Variants in ZNF541 observed in about 807,000 individuals in gnomAD.
ZNF541 encodes zinc finger protein 541.
ZNF541 carries 23 observed loss-of-function variants against 123.5 expected under a neutral mutation model. That is an observed-to-expected ratio of 0.19 (90% CI 0.13 to 0.26). The LOEUF is 0.26. Among genes scored for constraint, ZNF541 ranks in the 10% least tolerant of loss-of-function variants. ZNF541 has a pLI of 1.00. For missense variants in ZNF541, 1,612 were observed against 1,789.9 expected (o/e 0.90, Z 1.79); for synonymous variants, 751 against 754.5 (o/e 1.00, Z 0.08).
At chr19:47,549,673 C>T (rs540465241) in intron 3 of ZNF541, among the ~76,000 whole-genome samples, 188 bp from the exon 4 acceptor site, 9 of 152,264 alleles carry the variant, frequency 5.9e-5, no homozygotes, top group African/African-American at 2.2e-4. Flanking sequence ...GGATGGCACC[C>T]GGACTTGGTG....
intron 9 of ZNF541, among the ~76,000 whole-genome samples, chr19:47,537,547 G>C (rs894633563): frequency 7.2e-6 from 1 of 138,554 alleles, no homozygotes; most frequent in Admixed American, 7.6e-5. Context: ...CTGGGTGATA[G>C]AGTGATACTC....
At chr19:47,529,477 A>T in intron 13 of ZNF541, 100 bp downstream of exon 13, 1 of 1,249,730 alleles carries the variant, frequency 8.0e-7, no homozygotes, top group Non-Finnish European at 1.1e-6. Flanking sequence ...AAAGGTCCCG[A>T]GGAGAACTCC....
chr19:47,534,435 G>A (rs998515832), intron 9 of ZNF541, among the ~76,000 whole-genome samples: 1 of 152,148 alleles, frequency 6.6e-6, no homozygotes, highest in African/African-American at 2.4e-5. Flanking sequence ...CGGATCACCT[G>A]AAGTCAGGAG....
Position 47,521,664 on chromosome 19 carries a change from G to T in ZNF541, c.3712-10C>A. On this transcript the variant is annotated splice_polypyrimidine_tract_variant and intron_variant, in intron 15 of 16. Coordinates refer to ENST00000391901, the MANE Select transcript of ZNF541 (RefSeq NM_001277075.3). The surrounding 1 kb of genome is among the most constrained non-coding windows in gnomAD (Gnocchi z 4.2). ...GAGGGCTGCATGGGACCTGCAGAGG[G>T]AGCAAAAGTGACATAAGGGTGCTGA... 6.4e-7 allele frequency: 1 copy of T among 1,551,264 alleles called. No homozygotes were observed. The highest frequency in any genetic ancestry group is 1.2e-5 in the South Asian group (1 of 84,014).
intron 2 of ZNF541, among the ~76,000 whole-genome samples, chr19:47,562,330 G>C (rs990094136): frequency 2.6e-5 from 4 of 151,970 alleles, no homozygotes; most frequent in Admixed American, 2.6e-4. Flanking sequence ...GATCACTTGA[G>C]GTCAGGAGTT....
At chr19:47,536,125 T>C (rs1173635935) in intron 9 of ZNF541, among the ~76,000 whole-genome samples, 1 of 152,252 alleles carries the variant, frequency 6.6e-6, no homozygotes, top group African/African-American at 2.4e-5. Context: ...TGCTATTGTT[T>C]GTGGTTTAAG....
intron 2 of ZNF541, among the ~76,000 whole-genome samples, chr19:47,568,831 T>G (rs1361407830): frequency 6.6e-6 from 1 of 151,894 alleles, no homozygotes; most frequent in Non-Finnish European, 1.5e-5. Flanking sequence ...ACCACCACAC[T>G]GGGCTAATTT....
At position 47,558,244 on chromosome 19, in the gene ZNF541, A is replaced by G. The variant is rs183825798; in HGVS notation, c.-98-2290T>C. Among the ~76,000 whole-genome samples, 1,196 of 152,076 alleles carry G rather than the reference A, an allele frequency of 7.9e-3. 10 individuals carry two copies. Among genetic ancestry groups the G allele is most frequent in the African/African-American group, 0.027 (1,137 of 41,508 alleles). On this transcript the variant is annotated intron_variant, in intron 2 of 16. Coordinates refer to ENST00000391901, the MANE Select transcript of ZNF541 (RefSeq NM_001277075.3). ...ATCCCGGCTAACACGGTGAAACCCCATCTCTATTAAAAATACAAAAAATTA... is the reference window on the plus strand; with the variant it reads ...ATCCCGGCTAACACGGTGAAACCCCGTCTCTATTAAAAATACAAAAAATTA...
In ZNF541 at chr19:47,569,811, C is replaced by T. The variant is rs186883860; in HGVS notation, c.-99+2085G>A. 7.9e-5 allele frequency among the ~76,000 whole-genome samples: 12 copies of T among 151,540 alleles called. No individual in the cohort carries two copies. In the East Asian group the frequency reaches 1.4e-3, roughly 17 times the overall value. On this transcript the variant is annotated intron_variant, in intron 2 of 16. Coordinates refer to ENST00000391901, the MANE Select transcript of ZNF541 (RefSeq NM_001277075.3). ...GAAGGATTGCTTGATGTTGGGAGGT[C>T]GAGGCTCCAGTGAGCCAGGATCACA...
Position 47,544,731 on chromosome 19 carries a change from G to GCTGCGGCCACGGCCC in ZNF541, c.1783_1797dup (p.Gly595_Gln599dup). The GCTGCGGCCACGGCCC allele has an allele frequency of 6.7e-7, 1 of 1,501,558 alleles. No homozygotes were observed. The highest frequency in any genetic ancestry group is 1.3e-5 in the South Asian group (1 of 78,372). 93.0% of individuals were successfully genotyped at this position (1,501,558 alleles called of 1,614,324 possible). ...ACAGCAGGAGCCAGTGGTGGGGGCT[G>GCTGCGGCCACGGCCC]CTGCGGCCACGGCCCCTGCAGCGGC... On this transcript the variant is annotated inframe_insertion, in exon 5 of 17. Coordinates refer to ENST00000391901, the MANE Select transcript of ZNF541 (RefSeq NM_001277075.3).
chr19:47,549,582 T>TGTC, intron 3 of ZNF541, 97 bp from the exon 4 acceptor site: 1 of 1,490,134 alleles, frequency 6.7e-7, no homozygotes. Flanking sequence ...CATGGTGGCC[T>TGTC]TGTAAGTGTT....
chr19:47,532,755 C>T (rs1969634086), intron 10 of ZNF541, among the ~76,000 whole-genome samples, 154 bp downstream of exon 10: 1 of 151,960 alleles, frequency 6.6e-6, no homozygotes, highest in Non-Finnish European at 1.5e-5. Context: ...GGGGGATCTT[C>T]CTACATATAT....
In ZNF541 at chr19:47,532,942, A is replaced by C; in HGVS notation, c.3125T>G (p.Val1042Gly). The C allele has an allele frequency of 6.4e-7, 1 of 1,550,540 alleles. No individual in the cohort carries two copies. Among genetic ancestry groups the C allele is most frequent in the African/African-American group, 1.4e-5 (1 of 73,044 alleles). The part of the protein sequence containing the change: ...DQVDGSFGIC[V>G]VKDDTKISIE... ...GCTGATTTTGGTGTCATCCTTCACCACACAGATGCCAAAGGACCCATCCAC... is the reference window on the plus strand; with the variant it reads ...GCTGATTTTGGTGTCATCCTTCACCCCACAGATGCCAAAGGACCCATCCAC... Residue 1042 changes from valine to glycine, a missense_variant, in exon 10 of 17, where the codon GTG becomes GGG. By Grantham distance (109) the Val-to-Gly change is moderately radical (BLOSUM62 -3). Coordinates refer to ENST00000391901, the MANE Select transcript of ZNF541 (RefSeq NM_001277075.3).
Position 47,545,101 on chromosome 19 carries a change from G to C in ZNF541, c.1428C>G (p.Ala476=). ...GGLEDALPFP[A]ALLRVPAEAP... ...CCTCCGCGGGGACCCTGAGGAGCGC[G>C]GCAGGGAAGGGCAGAGCATCCTCCA... The change falls in exon 5 of 17, where the codon GCC becomes GCG. Residue 476 remains alanine, a synonymous_variant. Coordinates refer to ENST00000391901, the MANE Select transcript of ZNF541 (RefSeq NM_001277075.3). This position sits in a 1 kb window ranked among gnomAD's most constrained non-coding sequence, Gnocchi z 7.5. 1 of 1,479,802 alleles carries C rather than the reference G, an allele frequency of 6.8e-7. No individual in the cohort carries two copies. Among genetic ancestry groups the C allele is most frequent in the South Asian group, 1.3e-5 (1 of 75,988 alleles). 91.7% of individuals were successfully genotyped at this position (1,479,802 alleles called of 1,614,324 possible). A position where few individuals can be genotyped will look rare whatever the true frequency, so the allele number is the denominator to read the frequency against.
intron 4 of ZNF541, among the ~76,000 whole-genome samples, chr19:47,548,475 A>G: frequency 6.6e-6 from 1 of 151,882 alleles, no homozygotes; most frequent in East Asian, 1.9e-4. Context: ...AAAAAAAGAA[A>G]AACAAGGGTT....
At chr19:47,570,109 C>A (rs892708818) in intron 2 of ZNF541, among the ~76,000 whole-genome samples, 2 of 150,870 alleles carry the variant, frequency 1.3e-5, no homozygotes, top group East Asian at 2.0e-4. Flanking sequence ...CCTGTCTGTA[C>A]TAAAAATACA....
At chr19:47,532,676 A>G (rs1360211801) in intron 10 of ZNF541, among the ~76,000 whole-genome samples, 1 of 152,104 alleles carries the variant, frequency 6.6e-6, no homozygotes, top group African/African-American at 2.4e-5. Context: ...TGCCACATAT[A>G]TATTTCTAGA....
At chr19:47,532,839 C>A in intron 10 of ZNF541, 70 bp downstream of exon 10, 1 of 1,471,396 alleles carries the variant, frequency 6.8e-7, no homozygotes, top group Non-Finnish European at 9.3e-7. Flanking sequence ...GAAGAAGGAA[C>A]CCTTGGGAAA....
chr19:47,539,948 CA>C, intron 7 of ZNF541, 70 bp from the exon 8 acceptor site: 4 of 1,499,534 alleles, frequency 2.7e-6, no homozygotes, highest in South Asian at 2.6e-5. Context: ...GCTGCTTCAG[CA>C]AAAAAAGCTG....
Sources: gnomAD v4.1 joint callset for allele counts (sites outside exome capture counted in the v4.1 genomes callset) on GRCh38, gnomAD v4.1.1 for gene constraint, Gnocchi (gnomAD v3.1) non-coding constraint, MANE v1.5 for transcripts, NCBI Gene and HGNC (gene_info 2026-07-23, HGNC 2026-07-21) for gene names.